Variants in PIK3CB observed in about 807,000 individuals in gnomAD.
PIK3CB encodes phosphatidylinositol-4,5-bisphosphate 3-kinase catalytic subunit beta.
A neutral mutation model predicts 136.8 loss-of-function variants in PIK3CB; 39 were observed. The ratio of observed to expected loss-of-function variants is 0.29; its 90% CI spans 0.22 to 0.37. PIK3CB has a LOEUF of 0.37. Ranked by LOEUF, PIK3CB falls within the 10% of genes least tolerant of loss-of-function variation. The pLI is 1.00. For synonymous variants in PIK3CB, 428 were observed against 436.6 expected (o/e 0.98, Z 0.25); for missense variants, 868 against 1,275.4 (o/e 0.68, Z 4.87).
intron 1 of PIK3CB, among the ~76,000 whole-genome samples, chr3:138,804,509 CA>C (rs912865930): frequency 6.6e-6 from 1 of 151,026 alleles, no homozygotes; most frequent in Non-Finnish European, 1.5e-5. Flanking sequence ...GACCTTGTCT[CA>C]AAAAAAACAA....
At chr3:138,784,112 C>A (rs2045948607) in intron 2 of PIK3CB, among the ~76,000 whole-genome samples, 4 of 152,192 alleles carry the variant, frequency 2.6e-5, no homozygotes, top group Admixed American at 2.6e-4. Context: ...CTTATCCGGG[C>A]CAGGCACAGT....
At chr3:138,681,277 CT>C (rs1156284230) in intron 19 of PIK3CB, among the ~76,000 whole-genome samples, 1 of 152,052 alleles carries the variant, frequency 6.6e-6, no homozygotes, top group East Asian at 1.9e-4. Flanking sequence ...AACTCCTGAC[CT>C]CAAGTGATCT....
intron 20 of PIK3CB, among the ~76,000 whole-genome samples, 194 bp downstream of exon 20, chr3:138,664,842 T>G (rs1223317805): frequency 6.6e-6 from 1 of 152,196 alleles, no homozygotes; most frequent in Admixed American, 6.5e-5. Context: ...TTGATTTAGA[T>G]AAAGTAGAAT....
chr3:138,718,948 G>T (rs1185508840), intron 8 of PIK3CB, among the ~76,000 whole-genome samples: 1 of 151,954 alleles, frequency 6.6e-6, no homozygotes, highest in Non-Finnish European at 1.5e-5. Flanking sequence ...CAACCATTTG[G>T]GTTTTTCTCC....
chr3:138,751,091 C>G (rs2045462128), intron 4 of PIK3CB, among the ~76,000 whole-genome samples: 1 of 152,168 alleles, frequency 6.6e-6, no homozygotes, highest in Admixed American at 6.6e-5. Flanking sequence ...CACTGAATCC[C>G]AATCTCTGAG....
chr3:138,734,767 T>C lies in PIK3CB; in HGVS notation c.839A>G (p.His280Arg), dbSNP rs759655139. Residue 280 changes from histidine (H) to arginine (R), a missense_variant, in exon 7 of 24, where the codon CAT becomes CGT. His to Arg is a conservative substitution (Grantham distance 29). Coordinates refer to ENST00000674063, the MANE Select transcript of PIK3CB (RefSeq NM_006219.3). ...RNCVMNRALP[H>R]FILVECCKIK... is the part of the protein sequence containing the mutation. ...CTTGCAGCATTCCACAAGTATAAAA[T>C]GGGGCAGGGCTCTGTTCATCACACA... 2 of 1,613,522 alleles carry C rather than the reference T, an allele frequency of 1.2e-6. No individual in the cohort carries two copies. The highest frequency in any genetic ancestry group is 2.2e-5 in the East Asian group (1 of 44,844).
intron 1 of PIK3CB, among the ~76,000 whole-genome samples, chr3:138,828,730 C>A (rs1483104809): frequency 1.3e-5 from 2 of 152,028 alleles, no homozygotes; most frequent in Non-Finnish European, 2.9e-5. Context: ...TGAATGCCCA[C>A]TGGACTCCAG....
intron 10 of PIK3CB, among the ~76,000 whole-genome samples, chr3:138,711,609 T>C (rs1361799117): frequency 6.8e-6 from 1 of 148,138 alleles, no homozygotes; most frequent in Non-Finnish European, 1.5e-5. Flanking sequence ...AAAAGAAGTT[T>C]AGTCTATTTC....
At position 138,673,738 on chromosome 3, in the gene PIK3CB, T is replaced by C. The variant is rs965101401; in HGVS notation, c.2504+8229A>G. 3.3e-5 allele frequency among the ~76,000 whole-genome samples: 5 copies of C among 152,188 alleles called. No individual in the cohort carries two copies. The East Asian group carries it at 9.7e-4, about 29-fold the overall frequency. On this transcript the variant is annotated intron_variant, in intron 19 of 23. Coordinates refer to ENST00000674063, the MANE Select transcript of PIK3CB (RefSeq NM_006219.3). Reference sequence around the variant, plus strand: ...ACACACACACCCCAACGTGAATCTGTTTTGTTTTACCATGGCCTAGTCCCA... The same window carrying C: ...ACACACACACCCCAACGTGAATCTGCTTTGTTTTACCATGGCCTAGTCCCA...
At chr3:138,817,508 CTCTATCTCAAAAAAAAAGTAGAATAA>C (rs1418932820) in intron 1 of PIK3CB, among the ~76,000 whole-genome samples, 3 of 151,994 alleles carry the variant, frequency 2.0e-5, no homozygotes, top group African/African-American at 7.2e-5. Flanking sequence ...AAGAGTGAAA[CTCTATCTCAAAAAAAAAGTAGAATAA>C]TTAAAATATG....
At chr3:138,743,488 T>C (rs1433434103) in intron 4 of PIK3CB, among the ~76,000 whole-genome samples, 1 of 152,250 alleles carries the variant, frequency 6.6e-6, no homozygotes, top group Non-Finnish European at 1.5e-5. Context: ...TATTGTTTGG[T>C]TGATTCTCAA....
Position 138,691,077 on chromosome 3 carries a change from A to G in PIK3CB, c.1959T>C (p.Asp653=). 6.2e-7 allele frequency: 1 copy of G among 1,612,458 alleles called. No homozygotes were observed. Among genetic ancestry groups the G allele is most frequent in the East Asian group, 2.2e-5 (1 of 44,838 alleles). The change falls in exon 15 of 24, where the codon GAT becomes GAC. Residue 653 remains aspartate, a synonymous_variant. Transcript: ENST00000674063. The part of the protein sequence containing the change: ...VQVLKYEPFL[D]CALSRFLLER... ...CTAATAGGAATCTAGAGAGGGCACA[A>G]TCAAGAAAAGGCTCATATTTTAACA...
chr3:138,807,253 G>A (rs1040407196), intron 1 of PIK3CB, among the ~76,000 whole-genome samples: 60 of 151,914 alleles, frequency 3.9e-4, no homozygotes, highest in African/African-American at 1.3e-3. Flanking sequence ...GGGCAACGTG[G>A]TGAAACCCCG....
In PIK3CB at chr3:138,767,761, A is replaced by G. The variant is rs565566039; in HGVS notation, c.-16-8402T>C. Among the ~76,000 whole-genome samples the G allele has an allele frequency of 2.0e-5, 3 of 152,268 alleles. No homozygotes were observed. The South Asian group carries it at 6.2e-4, about 32-fold the overall frequency. Reference sequence around the variant, plus strand: ...CTGAGGCTACGGCTGGACCAGGTGTACCACAAGCAGCTTCCACAGCTGGCA... The same window carrying G: ...CTGAGGCTACGGCTGGACCAGGTGTGCCACAAGCAGCTTCCACAGCTGGCA... On this transcript the variant is annotated intron_variant, in intron 2 of 23. Coordinates refer to ENST00000674063, the MANE Select transcript of PIK3CB (RefSeq NM_006219.3).
chr3:138,673,197 TATAAA>T (rs1366118653), intron 19 of PIK3CB, among the ~76,000 whole-genome samples: 3 of 152,006 alleles, frequency 2.0e-5, no homozygotes, highest in African/African-American at 7.2e-5. Flanking sequence ...GAAAGTTTAA[TATAAA>T]TCTACTAGAG....
intron 2 of PIK3CB, among the ~76,000 whole-genome samples, chr3:138,767,866 C>T (rs971955458): frequency 4.6e-5 from 7 of 152,200 alleles, no homozygotes; most frequent in African/African-American, 9.6e-5. Flanking sequence ...AGTCCTGGCT[C>T]GGGGAGTTCC....
At chr3:138,663,554 A>G (rs1417669515) in intron 21 of PIK3CB, among the ~76,000 whole-genome samples, 2 of 152,028 alleles carry the variant, frequency 1.3e-5, no homozygotes, top group African/African-American at 4.8e-5. Context: ...GCTAATTTTT[A>G]TATTTTTAGT....
chr3:138,815,839 G>C (rs1228626654), intron 1 of PIK3CB, among the ~76,000 whole-genome samples: 2 of 152,210 alleles, frequency 1.3e-5, no homozygotes, highest in African/African-American at 4.8e-5. Context: ...ATCCTTCACA[G>C]ATACCAAGGG....
intron 1 of PIK3CB, among the ~76,000 whole-genome samples, chr3:138,832,306 G>A (rs980294804): frequency 6.6e-6 from 1 of 152,124 alleles, no homozygotes; most frequent in East Asian, 1.9e-4. Flanking sequence ...GAAGGTGGTG[G>A]ACTCAGGGTG....
Sources: gnomAD v4.1 joint callset for allele counts (sites outside exome capture counted in the v4.1 genomes callset) on GRCh38, gnomAD v4.1.1 for gene constraint, MANE v1.5 for transcripts, NCBI Gene and HGNC (gene_info 2026-07-23, HGNC 2026-07-21) for gene names.